Variants in RORA observed in about 807,000 individuals in gnomAD.
The protein encoded by RORA is nuclear receptor ROR-alpha.
Under a neutral mutation model 69.5 loss-of-function variants are expected in RORA, and 7 were observed. That is an observed-to-expected ratio of 0.10 (90% CI 0.06 to 0.19). RORA has a LOEUF of 0.19. Ranked by LOEUF, RORA falls within the 10% of genes least tolerant of loss-of-function variation. The pLI is 1.00. For synonymous variants in RORA, 261 were observed against 240.8 expected (o/e 1.08, Z -0.78); for missense variants, 457 against 663.0 (o/e 0.69, Z 3.41).
intron 1 of RORA, among the ~76,000 whole-genome samples, chr15:61,097,208 C>T (rs1023990512): frequency 1.3e-5 from 2 of 152,162 alleles, no homozygotes; most frequent in Admixed American, 6.5e-5. Context: ...AAGACTGACT[C>T]GCAAATAAAC....
rs544110321 is a variant in RORA at position 60,847,063 on chromosome 15, G to A, written c.167-168377C>T. Reference sequence around the variant, plus strand: ...GCATGGGTATAGCTTAAAAGTGCCTGGAATATACTTCTTGTCCTAGCAATT... The same window carrying A: ...GCATGGGTATAGCTTAAAAGTGCCTAGAATATACTTCTTGTCCTAGCAATT... On this transcript the variant is annotated intron_variant, in intron 1 of 10. Transcript: ENST00000335670. Among the ~76,000 whole-genome samples the A allele has an allele frequency of 2.0e-5, 3 of 152,228 alleles. No homozygotes were observed. The South Asian group carries it at 6.2e-4, about 32-fold the overall frequency.
At chr15:60,656,811 C>T (rs2070228415) in intron 2 of RORA, among the ~76,000 whole-genome samples, 1 of 152,222 alleles carries the variant, frequency 6.6e-6, no homozygotes, top group Admixed American at 6.5e-5. Context: ...TTGACCACCA[C>T]TCTAGGAGGC....
chr15:60,879,356 T>A (rs984660983), intron 1 of RORA, among the ~76,000 whole-genome samples: 4 of 152,058 alleles, frequency 2.6e-5, no homozygotes, highest in African/African-American at 9.7e-5. Context: ...AGAATAATTA[T>A]GGTACCCATA....
intron 1 of RORA, among the ~76,000 whole-genome samples, chr15:60,997,452 T>C (rs1271873957): frequency 6.6e-6 from 1 of 152,200 alleles, no homozygotes; most frequent in East Asian, 1.9e-4. Context: ...TGACATTCTC[T>C]ACAATATTTT....
chr15:60,997,922 T>C (rs140103017), intron 1 of RORA, among the ~76,000 whole-genome samples: 81 of 152,320 alleles, frequency 5.3e-4, no homozygotes, highest in Non-Finnish European at 9.8e-4. Flanking sequence ...CAAAACATAA[T>C]ACTCTTGTTT....
At chr15:61,126,833 A>C (rs578087199) in intron 1 of RORA, among the ~76,000 whole-genome samples, 1 of 152,340 alleles carries the variant, frequency 6.6e-6, no homozygotes, top group South Asian at 2.1e-4. Context: ...ATGCCGCTGG[A>C]GTGCACCACA....
At chr15:60,855,200 G>A (rs1336795496) in intron 1 of RORA, among the ~76,000 whole-genome samples, 3 of 152,198 alleles carry the variant, frequency 2.0e-5, no homozygotes, top group African/African-American at 7.2e-5. Flanking sequence ...AAAGTTTCCT[G>A]GAACACTGGG....
At chr15:60,915,902 T>C (rs1891859307) in intron 1 of RORA, among the ~76,000 whole-genome samples, 1 of 152,216 alleles carries the variant, frequency 6.6e-6, no homozygotes, top group Non-Finnish European at 1.5e-5. Flanking sequence ...GAAGATTAAA[T>C]GAGATAAAGC....
intron 1 of RORA, among the ~76,000 whole-genome samples, chr15:61,127,981 G>C (rs2079157689): frequency 6.6e-6 from 1 of 152,112 alleles, no homozygotes; most frequent in South Asian, 2.1e-4. Context: ...CTATAGGACA[G>C]GTGCTAATTA....
At position 60,780,617 on chromosome 15, in the gene RORA, G is replaced by T. The variant is rs556683094; in HGVS notation, c.167-101931C>A. 2.0e-5 allele frequency among the ~76,000 whole-genome samples: 3 copies of T among 152,122 alleles called. No homozygotes were observed. In the East Asian group the frequency reaches 5.8e-4, roughly 30 times the overall value. On this transcript the variant is annotated intron_variant, in intron 1 of 10. Coordinates refer to ENST00000335670, the MANE Select transcript of RORA (RefSeq NM_134261.3). ...TGGACTCAAAAGAAACAATTTGCTT[G>T]ATAGATGAGCACAATGAGGGATTCT...
At chr15:60,653,902 G>T (rs562798266) in intron 2 of RORA, among the ~76,000 whole-genome samples, 1 of 152,206 alleles carries the variant, frequency 6.6e-6, no homozygotes, top group South Asian at 2.1e-4. Flanking sequence ...AGGGTATCAT[G>T]TTTTTCATCT....
At chr15:60,724,201 C>T (rs1336186156) in intron 1 of RORA, among the ~76,000 whole-genome samples, 1 of 152,158 alleles carries the variant, frequency 6.6e-6, no homozygotes, top group Non-Finnish European at 1.5e-5. Context: ...AGGATAAATA[C>T]AATTACCCTG....
chr15:60,649,687 T>C (rs2070110998), intron 2 of RORA, among the ~76,000 whole-genome samples: 1 of 152,148 alleles, frequency 6.6e-6, no homozygotes, highest in Non-Finnish European at 1.5e-5. Flanking sequence ...CCAGGTGTTT[T>C]CTCCCTGTGT....
intron 1 of RORA, among the ~76,000 whole-genome samples, chr15:61,194,531 C>G (rs956061385): frequency 1.1e-4 from 13 of 123,672 alleles, no homozygotes; most frequent in African/African-American, 3.7e-4. Context: ...CCACTGCACT[C>G]CAGCCTAGGA....
chr15:60,875,395 T>A (rs987929228), intron 1 of RORA, among the ~76,000 whole-genome samples: 1 of 152,220 alleles, frequency 6.6e-6, no homozygotes, highest in Non-Finnish European at 1.5e-5. Context: ...ATAAATTTTA[T>A]GTAGCAGTGA....
intron 1 of RORA, among the ~76,000 whole-genome samples, chr15:60,869,334 T>C (rs915434628): frequency 1.3e-5 from 2 of 152,096 alleles, no homozygotes; most frequent in Non-Finnish European, 2.9e-5. Flanking sequence ...TCCATGAAAA[T>C]CCCAGGAGAG....
intron 1 of RORA, among the ~76,000 whole-genome samples, chr15:61,013,261 T>G (rs1174989692): frequency 6.6e-6 from 1 of 152,238 alleles, no homozygotes; most frequent in Admixed American, 6.5e-5. Context: ...TTCTTGTAAA[T>G]AGAGTTTTAT....
intron 1 of RORA, among the ~76,000 whole-genome samples, chr15:60,791,591 A>T (rs1164340133): frequency 1.3e-5 from 2 of 152,220 alleles, no homozygotes; most frequent in South Asian, 4.1e-4. Flanking sequence ...TAAGGGGAGA[A>T]ATTCTGGAAA....
intron 1 of RORA, among the ~76,000 whole-genome samples, chr15:60,733,004 G>T (rs2071449172): frequency 6.6e-6 from 1 of 152,136 alleles, no homozygotes; most frequent in South Asian, 2.1e-4. Flanking sequence ...AGGCCTTGGG[G>T]ACCGTGTGGA....
Sources: allele counts gnomAD v4.1 joint callset (sites outside exome capture counted in the v4.1 genomes callset), GRCh38; gene constraint gnomAD v4.1.1; transcripts MANE v1.5; gene names NCBI Gene and HGNC (gene_info 2026-07-23, HGNC 2026-07-21).